Variants in CHST11 observed in about 807,000 individuals in gnomAD.
CHST11 encodes carbohydrate sulfotransferase 11.
Under a neutral mutation model 30.4 loss-of-function variants are expected in CHST11, and 9 were observed. That is an observed-to-expected ratio of 0.30 (90% CI 0.18 to 0.52). CHST11 has a LOEUF of 0.52. Ranked by LOEUF, CHST11 falls within the 20% of genes least tolerant of loss-of-function variation. CHST11 has a pLI of 0.97. For synonymous variants in CHST11, 152 were observed against 187.8 expected (o/e 0.81, Z 1.56); for missense variants, 348 against 460.6 (o/e 0.76, Z 2.24).
intron 2 of CHST11, among the ~76,000 whole-genome samples, chr12:104,621,273 T>G (rs2039156151): frequency 6.6e-6 from 1 of 152,164 alleles, no homozygotes; most frequent in Non-Finnish European, 1.5e-5. Flanking sequence ...GATGAACATG[T>G]GTGGCCCGGC....
At chr12:104,610,232 T>G (rs2374409) in intron 2 of CHST11, among the ~76,000 whole-genome samples, 38,398 of 152,156 alleles carry the variant, frequency 0.25, 5,059 homozygotes, top group East Asian at 0.42. Context: ...CTGTAATGGT[T>G]GCTAAATAAG....
chr12:104,726,306 T>G (rs1242776569), intron 2 of CHST11, among the ~76,000 whole-genome samples: 1 of 152,188 alleles, frequency 6.6e-6, no homozygotes, highest in Non-Finnish European at 1.5e-5. Context: ...TGTAGGCCAG[T>G]GAAGTCCATA....
chr12:104,738,484 A>G (rs1276431880), intron 2 of CHST11, among the ~76,000 whole-genome samples: 3 of 152,246 alleles, frequency 2.0e-5, no homozygotes, highest in African/African-American at 7.2e-5. Flanking sequence ...TAATAAAAGC[A>G]GTGAACATGA....
At chr12:104,669,427 T>C (rs2039670414) in intron 2 of CHST11, among the ~76,000 whole-genome samples, 1 of 152,040 alleles carries the variant, frequency 6.6e-6, no homozygotes, top group South Asian at 2.1e-4. Context: ...ATGATTTTTT[T>C]TCCCCCTTGA....
At chr12:104,583,427 G>A (rs2038767943) in intron 1 of CHST11, among the ~76,000 whole-genome samples, 1 of 152,044 alleles carries the variant, frequency 6.6e-6, no homozygotes, top group South Asian at 2.1e-4. Flanking sequence ...TTGGGGGACC[G>A]TGGGCGTGTT....
At position 104,756,532 on chromosome 12, in the gene CHST11, G is replaced by GGGGGGTGTGTGTGTGTGT. The variant is rs1555250374; in HGVS notation, c.205-416_205-415insGGGGTGTGTGTGTGTGTG. On this transcript the variant is annotated intron_variant, in intron 2 of 2. Coordinates refer to ENST00000303694, the MANE Select transcript of CHST11 (RefSeq NM_018413.6). ...CATCATGAGGTCTGGATCCATGTGG[G>GGGGGGTGTGTGTGTGTGT]GTGTGTGTGTGTGTGTGTGTGTGTG... Among the ~76,000 whole-genome samples, 7 of 143,398 alleles carry GGGGGGTGTGTGTGTGTGT rather than the reference G, an allele frequency of 4.9e-5. No individual in the cohort carries two copies. In the East Asian group the frequency reaches 8.3e-4, roughly 17 times the overall value. The allele number at this position is 143,398 out of a possible 152,430, so 94.1% of individuals were successfully genotyped here.
chr12:104,548,612 C>T (rs1592757381), intron 1 of CHST11, among the ~76,000 whole-genome samples: 1 of 152,190 alleles, frequency 6.6e-6, no homozygotes, highest in Non-Finnish European at 1.5e-5. Flanking sequence ...TTCTTCCGGT[C>T]CCTCCTAATG....
chr12:104,498,178 C>T (rs1253140796), intron 1 of CHST11, among the ~76,000 whole-genome samples: 4 of 152,060 alleles, frequency 2.6e-5, no homozygotes, highest in African/African-American at 7.2e-5. Flanking sequence ...CCTCAGCCTC[C>T]CAAAGTGCTG....
intron 2 of CHST11, among the ~76,000 whole-genome samples, chr12:104,645,029 G>C (rs1429819690): frequency 6.6e-6 from 1 of 152,116 alleles, no homozygotes. Context: ...CTCACTGCAA[G>C]CTCTTCCTCC....
intron 1 of CHST11, among the ~76,000 whole-genome samples, chr12:104,505,582 G>C (rs1038053311): frequency 6.6e-6 from 1 of 152,172 alleles, no homozygotes; most frequent in African/African-American, 2.4e-5. Flanking sequence ...CTCAGGAGTG[G>C]GTTGGAGTCA....
chr12:104,690,540 A>T lies in CHST11; in HGVS notation c.205-66409A>T, dbSNP rs147413114. On this transcript the variant is annotated intron_variant, in intron 2 of 2. Coordinates refer to ENST00000303694, the MANE Select transcript of CHST11 (RefSeq NM_018413.6). ...ACAAACAGGCTGCTTGAAAAGAGAT[A>T]CGAGACTGGGCGCGTTGGCTCATGC... 1.5e-3 allele frequency among the ~76,000 whole-genome samples: 225 copies of T among 152,282 alleles called. 2 individuals carry two copies. The highest frequency in any genetic ancestry group is 4.7e-3 in the African/African-American group (197 of 41,548).
intron 2 of CHST11, among the ~76,000 whole-genome samples, chr12:104,718,737 TGCAGCAA>T (rs1566052177): frequency 6.6e-6 from 1 of 152,206 alleles, no homozygotes; most frequent in African/African-American, 2.4e-5. Context: ...GCCTGAAGAC[TGCAGCAA>T]GCAGGCAGAT....
At chr12:104,509,803 G>A (rs1173158477) in intron 1 of CHST11, among the ~76,000 whole-genome samples, 1 of 152,192 alleles carries the variant, frequency 6.6e-6, no homozygotes, top group Non-Finnish European at 1.5e-5. Context: ...CATATTGCCT[G>A]TGTTATTTAA....
At chr12:104,720,015 A>G (rs1048244155) in intron 2 of CHST11, among the ~76,000 whole-genome samples, 3 of 152,244 alleles carry the variant, frequency 2.0e-5, no homozygotes, top group Non-Finnish European at 4.4e-5. Flanking sequence ...GCTGGTGTCC[A>G]GGCACTTTTC....
At chr12:104,725,613 T>C (rs1442407730) in intron 2 of CHST11, among the ~76,000 whole-genome samples, 1 of 151,722 alleles carries the variant, frequency 6.6e-6, no homozygotes, top group Admixed American at 6.6e-5. Flanking sequence ...GGGAAGTGGG[T>C]GTCACTTCTC....
intron 2 of CHST11, among the ~76,000 whole-genome samples, chr12:104,730,293 G>A (rs889735064): frequency 2.6e-5 from 4 of 152,204 alleles, no homozygotes; most frequent in African/African-American, 9.7e-5. Context: ...GTATGACATG[G>A]GAGAAGAGTG....
chr12:104,476,040 A>T (rs896369756), intron 1 of CHST11, among the ~76,000 whole-genome samples: 2 of 144,834 alleles, frequency 1.4e-5, no homozygotes, highest in Non-Finnish European at 3.0e-5. Context: ...ATATACATAT[A>T]TGTAATACTT....
rs142785927 is a variant in CHST11, at chr12:104,537,457, G to A, written c.119-64449G>A. Among the ~76,000 whole-genome samples the A allele has an allele frequency of 3.9e-5, 6 of 152,282 alleles. No homozygotes were observed. In the East Asian group the frequency reaches 9.7e-4, roughly 25 times the overall value. ...TCCAATGACTTGGGTTGGAATCTTGGCCCTGCTTCTTATCAGTGGAATCAC... is the reference window on the plus strand; with the variant it reads ...TCCAATGACTTGGGTTGGAATCTTGACCCTGCTTCTTATCAGTGGAATCAC... On this transcript the variant is annotated intron_variant, in intron 1 of 2. Transcript: ENST00000303694.
At chr12:104,540,625 T>C (rs1269998105) in intron 1 of CHST11, among the ~76,000 whole-genome samples, 2 of 152,210 alleles carry the variant, frequency 1.3e-5, no homozygotes, top group Non-Finnish European at 1.5e-5. Context: ...TTGTCTTAGA[T>C]TGGTGCCTCA....
Sources: allele counts gnomAD v4.1 joint callset (sites outside exome capture counted in the v4.1 genomes callset), GRCh38; gene constraint gnomAD v4.1.1; transcripts MANE v1.5; gene names NCBI Gene and HGNC (gene_info 2026-07-23, HGNC 2026-07-21).